ELP3: variants seen among roughly 807,000 people sequenced by gnomAD.
ELP3 encodes elongator complex protein 3.
Under a neutral mutation model 74.9 loss-of-function variants are expected in ELP3, and 56 were observed. That is an observed-to-expected ratio of 0.75 (90% confidence interval 0.60 to 0.93). The LOEUF (loss-of-function observed/expected upper bound fraction) is 0.93. Among genes scored for constraint, ELP3 ranks in the 40% least tolerant of loss-of-function variants. The probability of loss-of-function intolerance (pLI) is 0.00; values close to 1 mark genes in which losing one functional copy is unlikely to be tolerated. For missense variants in ELP3, 573 were observed against 686.5 expected (o/e 0.83, Z 1.85); for synonymous variants, 222 against 239.8 (o/e 0.93, Z 0.68).
chr8:28,166,774 C>T (rs1379805889), intron 14 of ELP3, among the ~76,000 whole-genome samples: 1 of 152,204 alleles, frequency 6.6e-6, no homozygotes, highest in African/African-American at 2.4e-5. Flanking sequence ...GTGATAGTCA[C>T]TATTTAAAAA....
At position 28,129,603 on chromosome 8, in the gene ELP3, G is replaced by A. The variant is rs868293898; in HGVS notation, c.719G>A (p.Cys240Tyr). ...TTAAGTGACATGTTGACCTATGGCTGCACAAGGCTGGAGATTGGGGTGCAG... is the reference window on the plus strand; with the variant it reads ...TTAAGTGACATGTTGACCTATGGCTACACAAGGCTGGAGATTGGGGTGCAG... The part of the protein sequence containing the change: ...RHLSDMLTYG[C>Y]TRLEIGVQSV... Residue 240 changes from cysteine to tyrosine, a missense_variant, in exon 8 of 15, where the codon TGC becomes TAC. Cys to Tyr is a radical substitution (Grantham distance 194). Transcript: ENST00000256398. 5 of 1,614,170 alleles carry A rather than the reference G, an allele frequency of 3.1e-6. No homozygotes were observed. The highest frequency in any genetic ancestry group is 4.2e-6 in the Non-Finnish European group (5 of 1,179,982).
rs1375228987 is a variant in ELP3, at chr8:28,107,948, A to C, written c.365A>C (p.Tyr122Ser). ...GGTGGACCTGATTCTGATTTTGAGT[A>C]TTCCACCCAGTCTTACACTGGCTAT... Reference protein sequence around the residue: ...CPGGPDSDFEYSTQSYTGYEP... With the variant: ...CPGGPDSDFESSTQSYTGYEP... The change falls in exon 5 of 15, where the codon TAT (tyrosine) becomes TCT (serine). Residue 122 changes from tyrosine to serine, a missense_variant. Transcript: ENST00000256398. 1 of 1,614,000 alleles carries C rather than the reference A, an allele frequency of 6.2e-7. No individual in the cohort carries two copies. The highest frequency in any genetic ancestry group is 1.1e-5 in the South Asian group (1 of 91,080).
chr8:28,165,615 A>G (rs530779173), intron 14 of ELP3, among the ~76,000 whole-genome samples: 1 of 152,082 alleles, frequency 6.6e-6, no homozygotes, highest in South Asian at 2.1e-4. Flanking sequence ...CATTTTGGTT[A>G]CTGTTGTGTA....
intron 5 of ELP3, 37 bp from the exon 6 acceptor site, chr8:28,110,333 A>T: frequency 1.3e-6 from 2 of 1,562,502 alleles, no homozygotes; most frequent in Non-Finnish European, 1.8e-6. Context: ...TTTTAGTTTT[A>T]ATTCAATGTG....
chr8:28,128,983 G>A (rs554176823), intron 7 of ELP3, among the ~76,000 whole-genome samples: 10 of 152,198 alleles, frequency 6.6e-5, no homozygotes, highest in Non-Finnish European at 1.3e-4. Flanking sequence ...AAAGGCTTTT[G>A]TGTATATAGA....
intron 7 of ELP3, among the ~76,000 whole-genome samples, chr8:28,116,746 AAAC>A (rs1283926879): frequency 3.9e-5 from 6 of 152,140 alleles, no homozygotes; most frequent in African/African-American, 1.2e-4. Flanking sequence ...CTCAAAAAAC[AAAC>A]AACAACAAAA....
At chr8:28,135,610 G>C (rs1481842710) in intron 9 of ELP3, among the ~76,000 whole-genome samples, 2 of 152,156 alleles carry the variant, frequency 1.3e-5, no homozygotes, top group Non-Finnish European at 2.9e-5. Flanking sequence ...TTTCTCCAGG[G>C]ACTAAATGTT....
At chr8:28,149,190 T>C (rs1585710225) in intron 10 of ELP3, among the ~76,000 whole-genome samples, 1 of 152,374 alleles carries the variant, frequency 6.6e-6, no homozygotes, top group East Asian at 1.9e-4. Flanking sequence ...TCGAACAGAC[T>C]CAGACAGTAG....
At chr8:28,161,868 A>C (rs921160056) in intron 13 of ELP3, 129 bp from the exon 14 acceptor site, 1 of 754,608 alleles carries the variant, frequency 1.3e-6, no homozygotes. Flanking sequence ...CCTTACTCCC[A>C]TAAGTGGGCT....
intron 3 of ELP3, among the ~76,000 whole-genome samples, chr8:28,104,668 G>A (rs1049322294): frequency 2.6e-5 from 4 of 152,170 alleles, no homozygotes; most frequent in East Asian, 3.8e-4. Context: ...TTCAGGTTAC[G>A]CGTCTTTGGC....
chr8:28,128,414 T>A (rs1812663829), intron 7 of ELP3, among the ~76,000 whole-genome samples: 1 of 152,078 alleles, frequency 6.6e-6, no homozygotes, highest in South Asian at 2.1e-4. Flanking sequence ...AGGTAGAGGT[T>A]GCAGTGAGCC....
chr8:28,154,976 C>T (rs753462378), intron 10 of ELP3, among the ~76,000 whole-genome samples: 6 of 152,256 alleles, frequency 3.9e-5, no homozygotes, highest in Admixed American at 6.5e-5. Flanking sequence ...TAAAGCTAAT[C>T]GATTGGCTTT....
chr8:28,134,817 G>A (rs1288017103), intron 9 of ELP3, among the ~76,000 whole-genome samples: 1 of 151,810 alleles, frequency 6.6e-6, no homozygotes, highest in Non-Finnish European at 1.5e-5. Flanking sequence ...TTTTCTGTAT[G>A]CATTGCCTCT....
intron 9 of ELP3, among the ~76,000 whole-genome samples, chr8:28,132,654 C>T (rs1363296072): frequency 2.0e-5 from 3 of 152,066 alleles, no homozygotes; most frequent in African/African-American, 7.2e-5. Context: ...GTTGTTTATG[C>T]AAATATAACA....
In ELP3 at chr8:28,156,347, G is replaced by A. The variant is rs117911602; in HGVS notation, c.1191+315G>A. Among the ~76,000 whole-genome samples the A allele has an allele frequency of 1.5e-4, 23 of 152,322 alleles. No homozygotes were observed. The East Asian group carries it at 2.9e-3, about 19-fold the overall frequency. ...GTTATTGACTGAAGGAAAAGGAGAC[G>A]TGAATCCTGAAAGGAAAGTATAATC... On this transcript the variant is annotated intron_variant, in intron 11 of 14. Coordinates refer to ENST00000256398, the MANE Select transcript of ELP3 (RefSeq NM_018091.6).
At chr8:28,123,537 T>C (rs1179497039) in intron 7 of ELP3, among the ~76,000 whole-genome samples, 4 of 152,234 alleles carry the variant, frequency 2.6e-5, no homozygotes, top group Non-Finnish European at 5.9e-5. Flanking sequence ...TAAACCAAGA[T>C]GGTTGGTAGT....
At chr8:28,101,401 A>C (rs542690937) in intron 3 of ELP3, among the ~76,000 whole-genome samples, 22 of 152,206 alleles carry the variant, frequency 1.4e-4, no homozygotes, top group Admixed American at 6.5e-5. Context: ...GCCTGGGCGA[A>C]AAAGCGAGAC....
chr8:28,152,592 G>A (rs1224305631), intron 10 of ELP3, among the ~76,000 whole-genome samples: 4 of 152,158 alleles, frequency 2.6e-5, no homozygotes, highest in Non-Finnish European at 5.9e-5. Context: ...GATCACCTGA[G>A]GTCAGGAGTT....
chr8:28,097,367 C>T, intron 2 of ELP3, 49 bp downstream of exon 2: 2 of 1,302,824 alleles, frequency 1.5e-6, no homozygotes, highest in South Asian at 2.5e-5. Flanking sequence ...TAGCAGATCT[C>T]TTTTATGAAA....
Sources: gnomAD v4.1 joint callset for allele counts (sites outside exome capture counted in the v4.1 genomes callset) on GRCh38, gnomAD v4.1.1 for gene constraint, MANE v1.5 for transcripts, NCBI Gene and HGNC (gene_info 2026-07-23, HGNC 2026-07-21) for gene names.